CACNA2D1: variants seen among roughly 807,000 people sequenced by gnomAD.
CACNA2D1 encodes voltage-dependent calcium channel subunit alpha-2/delta-1.
Under a neutral mutation model 171.5 loss-of-function variants are expected in CACNA2D1, and 53 were observed. The observed-to-expected ratio is 0.31, with a 90% CI of 0.25 to 0.39. The LOEUF is 0.39. Among genes scored for constraint, CACNA2D1 ranks in the 10% least tolerant of loss-of-function variants. CACNA2D1 has a pLI of 1.00. For missense variants in CACNA2D1, 903 were observed against 1,299.8 expected, an observed-to-expected ratio of 0.69 and a Z score of 4.69; for synonymous variants, 442 against 443.1, an observed-to-expected ratio of 1.00 and a Z score of 0.03.
chr7:82,375,807 C>T (rs955715811), intron 1 of CACNA2D1, among the ~76,000 whole-genome samples: 1 of 152,054 alleles, frequency 6.6e-6, no homozygotes, highest in African/African-American at 2.4e-5. Context: ...TCTTAATTGC[C>T]CACAGCCCCA....
intron 3 of CACNA2D1, among the ~76,000 whole-genome samples, chr7:82,215,768 T>A (rs1801034080): frequency 6.6e-6 from 1 of 152,146 alleles, no homozygotes; most frequent in African/African-American, 2.4e-5. Context: ...TATGCCAAAA[T>A]CTCCTTGACA....
chr7:82,386,309 A>C (rs1824366078), intron 1 of CACNA2D1, among the ~76,000 whole-genome samples: 2 of 152,218 alleles, frequency 1.3e-5, no homozygotes, highest in African/African-American at 4.8e-5. Context: ...TTTACATAAA[A>C]TACAACCAAA....
chr7:82,117,206 A>AT (rs1453957543), intron 5 of CACNA2D1, 33 bp from the exon 6 acceptor site: 1 of 1,606,274 alleles, frequency 6.2e-7, no homozygotes, highest in African/African-American at 1.3e-5. Flanking sequence ...GAATATTACA[A>AT]TTTTTGCTAA....
At chr7:82,191,264 T>C (rs1324303754) in intron 3 of CACNA2D1, among the ~76,000 whole-genome samples, 1 of 151,838 alleles carries the variant, frequency 6.6e-6, no homozygotes, top group Non-Finnish European at 1.5e-5. Flanking sequence ...AAGTTACATC[T>C]TTGCATCTAT....
chr7:82,225,626 G>A (rs1802278426), intron 3 of CACNA2D1, among the ~76,000 whole-genome samples: 1 of 152,122 alleles, frequency 6.6e-6, no homozygotes, highest in Admixed American at 6.5e-5. Context: ...ACACATATAA[G>A]TTTATATGGA....
Position 82,443,577 on chromosome 7 carries a change from T to G in CACNA2D1, c.-118A>C. ...CCGGGACCGCGGGCGTCTGGAGGGCTGGCTGCGCCCGGGGCCCGAGGCGCG... is the reference window on the plus strand; with the variant it reads ...CCGGGACCGCGGGCGTCTGGAGGGCGGGCTGCGCCCGGGGCCCGAGGCGCG... On this transcript the variant is annotated 5_prime_UTR_variant, in exon 1 of 39. Transcript: ENST00000356860. The G allele has an allele frequency of 1.4e-6, 2 of 1,475,060 alleles. No homozygotes were observed. Among genetic ancestry groups the G allele is most frequent in the Non-Finnish European group, 1.8e-6 (2 of 1,110,784 alleles). The allele number at this position is 1,475,060 out of a possible 1,614,324, so 91.4% of individuals were successfully genotyped here.
rs199961189 is a variant in CACNA2D1, at chr7:82,012,216, T to C, written c.1300A>G (p.Met434Val). ...QEYLDVLGRP[M>V]VLAGDKAKQV... ...TTAGCTTTGTCTCCTGCTAAAACCATTGGTCTTCCCAAAACATCCAAATAT... is the reference window on the plus strand; with the variant it reads ...TTAGCTTTGTCTCCTGCTAAAACCACTGGTCTTCCCAAAACATCCAAATAT... Residue 434 changes from methionine to valine, a missense_variant, in exon 15 of 39, where the codon ATG becomes GTG. By Grantham distance (21) the Met-to-Val change is conservative. Transcript: ENST00000356860. The C allele has an allele frequency of 6.2e-6, 10 of 1,606,306 alleles. No individual in the cohort carries two copies. The highest frequency in any genetic ancestry group is 8.5e-6 in the Non-Finnish European group (10 of 1,174,410).
intron 12 of CACNA2D1, among the ~76,000 whole-genome samples, chr7:82,015,809 C>G (rs1445194656): frequency 6.6e-6 from 1 of 152,136 alleles, no homozygotes. Flanking sequence ...AAAGAGATTT[C>G]ACATCTGTTC....
chr7:82,357,190 T>C (rs959490755), intron 1 of CACNA2D1, among the ~76,000 whole-genome samples: 6 of 152,144 alleles, frequency 3.9e-5, no homozygotes, highest in African/African-American at 1.2e-4. Flanking sequence ...CCTTTCAAGG[T>C]TGGATTTGTC....
Position 81,968,975 on chromosome 7 carries a change from T to TG in CACNA2D1, c.2309-3_2309-2insC. The TG allele has an allele frequency of 7.1e-7, 1 of 1,400,814 alleles. No homozygotes were observed. 86.8% of individuals were successfully genotyped at this position (1,400,814 alleles called of 1,614,324 possible). On this transcript the variant is annotated splice_region_variant and splice_polypyrimidine_tract_variant and intron_variant, in intron 28 of 38. Transcript: ENST00000356860. ...ATTCATAGGCACCAGGTCCACTTTC[T>TG]AAAAAAAAAATAAATAAATAAAACA...
chr7:82,383,984 T>C (rs1247652856), intron 1 of CACNA2D1, among the ~76,000 whole-genome samples: 2 of 152,192 alleles, frequency 1.3e-5, no homozygotes, highest in African/African-American at 4.8e-5. Context: ...TGCAAAAATA[T>C]GTGAGTCTAT....
chr7:82,235,293 A>G (rs1302707221), intron 3 of CACNA2D1, among the ~76,000 whole-genome samples: 3 of 152,194 alleles, frequency 2.0e-5, no homozygotes, highest in East Asian at 3.8e-4. Flanking sequence ...TGAAAGAAAT[A>G]TTCCACACAA....
At chr7:82,366,238 T>C (rs1486912198) in intron 1 of CACNA2D1, among the ~76,000 whole-genome samples, 1 of 152,176 alleles carries the variant, frequency 6.6e-6, no homozygotes, top group Non-Finnish European at 1.5e-5. Context: ...ACTTTTGTTC[T>C]AGATTTGGGG....
intron 1 of CACNA2D1, among the ~76,000 whole-genome samples, chr7:82,433,434 C>T (rs995850169): frequency 6.6e-6 from 1 of 152,120 alleles, no homozygotes; most frequent in East Asian, 1.9e-4. Context: ...TATGTCATTC[C>T]TTCTTGAGAA....
chr7:82,228,621 C>T (rs1802597613), intron 3 of CACNA2D1, among the ~76,000 whole-genome samples: 1 of 152,152 alleles, frequency 6.6e-6, no homozygotes, highest in Non-Finnish European at 1.5e-5. Context: ...TTGCTATGAG[C>T]TTTAGTTTTC....
chr7:82,282,977 A>G (rs900311872), intron 3 of CACNA2D1, among the ~76,000 whole-genome samples: 10 of 152,332 alleles, frequency 6.6e-5, no homozygotes, highest in African/African-American at 2.4e-4. Context: ...GTGACTATGC[A>G]TTCAGAATTT....
chr7:82,218,091 C>G (rs938104652), intron 3 of CACNA2D1, among the ~76,000 whole-genome samples: 4 of 151,788 alleles, frequency 2.6e-5, no homozygotes, highest in Non-Finnish European at 5.9e-5. Context: ...CCCACCACCA[C>G]GCCCGGCTAA....
chr7:82,281,000 C>T (rs965043649), intron 3 of CACNA2D1, among the ~76,000 whole-genome samples: 4 of 152,174 alleles, frequency 2.6e-5, no homozygotes, highest in African/African-American at 9.7e-5. Flanking sequence ...GAAAATCCAA[C>T]TCAAATTGGT....
intron 1 of CACNA2D1, among the ~76,000 whole-genome samples, chr7:82,411,292 C>A (rs1365586971): frequency 6.6e-6 from 1 of 152,160 alleles, no homozygotes; most frequent in Non-Finnish European, 1.5e-5. Flanking sequence ...TGAGTTATAG[C>A]CCTGCCCCAC....
Sources: allele counts gnomAD v4.1 joint callset (sites outside exome capture counted in the v4.1 genomes callset), GRCh38; gene constraint gnomAD v4.1.1; transcripts MANE v1.5; gene names NCBI Gene and HGNC (gene_info 2026-07-23, HGNC 2026-07-21).